The following MYO5B variants were observed in gnomAD, a reference collection of about 807,000 sequenced individuals.
MYO5B encodes myosin VB.
MYO5B carries 143 observed loss-of-function variants against 229.3 expected under a neutral mutation model. That is an observed-to-expected ratio of 0.62 (90% CI 0.54 to 0.72). The LOEUF is 0.72. MYO5B is among the 30% of genes least tolerant of loss of function. The probability of loss-of-function intolerance (pLI) is 0.00; values close to 1 mark genes in which losing one functional copy is unlikely to be tolerated. For synonymous variants in MYO5B, 918 were observed against 885.2 expected (o/e 1.04, Z -0.66); for missense variants, 2,321 against 2,331.0 (o/e 1.00, Z 0.09).
intron 18 of MYO5B, among the ~76,000 whole-genome samples, chr18:49,911,529 T>C (rs1391098578): frequency 1.3e-5 from 2 of 152,238 alleles, no homozygotes; most frequent in Admixed American, 1.3e-4. Context: ...TAACCTTTGA[T>C]GTACCACGGT....
chr18:49,920,700 G>A (rs923808545), intron 17 of MYO5B, among the ~76,000 whole-genome samples: 16 of 152,244 alleles, frequency 1.1e-4, no homozygotes, highest in Admixed American at 3.3e-4. Flanking sequence ...TTTACCCAGG[G>A]GGCAACACAT....
rs773718337 is a variant in MYO5B, at chr18:49,856,748, T to C, written c.4022+65A>G. 8 of 1,381,720 alleles carry C rather than the reference T, an allele frequency of 5.8e-6. No homozygotes were observed. In the South Asian group the frequency reaches 9.3e-5, roughly 16 times the overall value. 85.6% of individuals were successfully genotyped at this position (1,381,720 alleles called of 1,614,324 possible). On this transcript the variant is annotated intron_variant, in intron 30 of 39. Coordinates refer to ENST00000285039, the MANE Select transcript of MYO5B (RefSeq NM_001080467.3). ...CGCACCCACTGTAGCTGAAAAACGGTTAAGCATAGACATGAGCAGGCCCAA... is the reference window on the plus strand; with the variant it reads ...CGCACCCACTGTAGCTGAAAAACGGCTAAGCATAGACATGAGCAGGCCCAA...
At chr18:49,923,894 C>T (rs1227767418) in intron 17 of MYO5B, among the ~76,000 whole-genome samples, 1 of 152,082 alleles carries the variant, frequency 6.6e-6, no homozygotes, top group African/African-American at 2.4e-5. Context: ...TGACATGGTC[C>T]TAATGTTCAC....
In MYO5B at chr18:49,953,316, C is replaced by T; in HGVS notation, c.1696G>A (p.Glu566Lys). Residue 566 changes from glutamate to lysine, a missense_variant, in exon 14 of 40, where the codon GAG becomes AAG. Coordinates refer to ENST00000285039, the MANE Select transcript of MYO5B (RefSeq NM_001080467.3). ...TCATACACCGTGTCTCTGTTTTTCT[C>T]CAGAAAACCATCAGAGAGGTACTCC... ...KVEYLSDGFLEKNRDTVYEEQ... is the reference protein window; with the variant it reads ...KVEYLSDGFLKKNRDTVYEEQ... 1 of 1,614,114 alleles carries T rather than the reference C, an allele frequency of 6.2e-7. No individual in the cohort carries two copies. Among genetic ancestry groups the T allele is most frequent in the Non-Finnish European group, 8.5e-7 (1 of 1,180,014 alleles).
At chr18:49,856,767 G>T in intron 30 of MYO5B, 46 bp downstream of exon 30, 1 of 1,501,160 alleles carries the variant, frequency 6.7e-7, no homozygotes, top group Non-Finnish European at 9.3e-7. Context: ...GACATGAGCA[G>T]GCCCAACGGA....
chr18:50,138,414 T>TGGG (rs112801414), intron 1 of MYO5B, among the ~76,000 whole-genome samples: 1 of 151,450 alleles, frequency 6.6e-6, no homozygotes, highest in African/African-American at 2.4e-5. Flanking sequence ...GTGCCCAATT[T>TGGG]GGGGGGGGTG....
At position 49,853,524 on chromosome 18, in the gene MYO5B, C is replaced by T. The variant is rs770585617; in HGVS notation, c.4146G>A (p.Thr1382=). ...CCTGGGCCTCTGGGGAGAGCAGTAG[C>T]GTCTGGCAGAAGGTCTGCTGCTGTT... is the stretch of plus-strand genomic sequence containing the variant. The part of the protein sequence containing the change: ...MDKQQQTFCQ[T]LLLSPEAQVE... Residue 1382 remains threonine, a synonymous_variant, in exon 31 of 40, where the codon ACG becomes ACA. Coordinates refer to ENST00000285039, the MANE Select transcript of MYO5B (RefSeq NM_001080467.3). The T allele has an allele frequency of 2.5e-5, 40 of 1,614,080 alleles. No individual in the cohort carries two copies. Among genetic ancestry groups the T allele is most frequent in the East Asian group, 4.5e-5 (2 of 44,892 alleles).
chr18:50,080,201 T>C (rs1055806216), intron 1 of MYO5B, among the ~76,000 whole-genome samples: 1 of 152,040 alleles, frequency 6.6e-6, no homozygotes, highest in African/African-American at 2.4e-5. Context: ...TATGAGTAAA[T>C]ATCTCAGCAA....
At chr18:49,852,393 A>G (rs1427061762) in intron 31 of MYO5B, among the ~76,000 whole-genome samples, 3 of 152,208 alleles carry the variant, frequency 2.0e-5, no homozygotes, top group Admixed American at 6.5e-5. Context: ...TAACACACGT[A>G]TATGCAACAG....
At chr18:50,163,808 G>A (rs115508815) in intron 1 of MYO5B, among the ~76,000 whole-genome samples, 1,927 of 152,316 alleles carry the variant, frequency 0.013, 41 homozygotes, top group African/African-American at 0.044. Flanking sequence ...GACTCCAGGT[G>A]ATTATTTTGC....
chr18:49,918,251 A>AGCT (rs2025038268), intron 17 of MYO5B, among the ~76,000 whole-genome samples: 1 of 152,220 alleles, frequency 6.6e-6, no homozygotes, highest in African/African-American at 2.4e-5. Context: ...GATGGTATGG[A>AGCT]GCTGCAGAGT....
intron 21 of MYO5B, among the ~76,000 whole-genome samples, chr18:49,900,939 A>T (rs893001406): frequency 5.3e-5 from 8 of 152,234 alleles, no homozygotes; most frequent in African/African-American, 1.9e-4. Flanking sequence ...CTGTGGGATC[A>T]GAGCTCGGGT....
At chr18:50,175,300 C>T (rs540807405) in intron 1 of MYO5B, among the ~76,000 whole-genome samples, 1 of 152,322 alleles carries the variant, frequency 6.6e-6, no homozygotes, top group African/African-American at 2.4e-5. Flanking sequence ...TGTTCTCATC[C>T]CTTTTCTGTC....
At position 49,953,327 on chromosome 18, in the gene MYO5B, T is replaced by C; in HGVS notation, c.1685A>G (p.Asp562Gly). The C allele has an allele frequency of 1.2e-6, 2 of 1,614,142 alleles. No individual in the cohort carries two copies. The highest frequency in any genetic ancestry group is 1.7e-6 in the Non-Finnish European group (2 of 1,180,016). The change falls in exon 14 of 40, where the codon GAT (aspartate) becomes GGT (glycine). Residue 562 changes from aspartate to glycine, a missense_variant. Physicochemically the swap from Asp to Gly is moderately conservative, Grantham distance 94 (BLOSUM62 -1). Transcript: ENST00000285039. Reference sequence around the variant, plus strand: ...GTCTCTGTTTTTCTCCAGAAAACCATCAGAGAGGTACTCCACCTGGGGCCA... The same window carrying C: ...GTCTCTGTTTTTCTCCAGAAAACCACCAGAGAGGTACTCCACCTGGGGCCA... Reference protein sequence around the residue: ...HFADKVEYLSDGFLEKNRDTV... With the variant: ...HFADKVEYLSGGFLEKNRDTV...
intron 1 of MYO5B, chr18:50,097,543 A>C (rs1329335380): frequency 1.8e-5 from 5 of 279,762 alleles, no homozygotes; most frequent in African/African-American, 8.9e-5. Flanking sequence ...TTCACTGAAC[A>C]ACAACACTCA....
chr18:49,922,154 C>A (rs2025082220), intron 17 of MYO5B, among the ~76,000 whole-genome samples: 1 of 152,246 alleles, frequency 6.6e-6, no homozygotes, highest in Non-Finnish European at 1.5e-5. Flanking sequence ...CAACTCCACA[C>A]TGAAGCTAGC....
chr18:49,847,044 C>T (rs1004399818), intron 33 of MYO5B, 102 bp downstream of exon 33: 53 of 1,415,216 alleles, frequency 3.7e-5, no homozygotes, highest in Non-Finnish European at 5.1e-5. Flanking sequence ...GGGGGCTGTG[C>T]AGGAGGTGAA....
chr18:49,909,504 C>G (rs373880899), intron 18 of MYO5B, among the ~76,000 whole-genome samples: 23 of 152,340 alleles, frequency 1.5e-4, no homozygotes, highest in African/African-American at 5.1e-4. Context: ...CCATTACTGG[C>G]AGGTTTCTAG....
At chr18:50,051,991 T>C (rs1027137679) in intron 2 of MYO5B, among the ~76,000 whole-genome samples, 5 of 152,126 alleles carry the variant, frequency 3.3e-5, no homozygotes, top group Non-Finnish European at 7.4e-5. Flanking sequence ...TGCTGCTGAC[T>C]GCCACACAAT....
Sources: allele counts gnomAD v4.1 joint callset (sites outside exome capture counted in the v4.1 genomes callset), GRCh38; gene constraint gnomAD v4.1.1; transcripts MANE v1.5; gene names NCBI Gene and HGNC (gene_info 2026-07-23, HGNC 2026-07-21).